Variants in KIF1C observed in about 807,000 individuals in gnomAD.
The protein encoded by KIF1C is kinesin family member 1C, also known as kinesin-like protein KIF1C.
Under a neutral mutation model 126.5 loss-of-function variants are expected in KIF1C, and 61 were observed. The observed-to-expected ratio is 0.48, with a 90% confidence interval of 0.39 to 0.60. The LOEUF (loss-of-function observed/expected upper bound fraction) is 0.60. Among genes scored for constraint, KIF1C ranks in the 20% least tolerant of loss-of-function variants. KIF1C has a pLI of 0.00. For synonymous variants in KIF1C, 640 were observed against 580.6 expected (o/e 1.10, Z -1.47); for missense variants, 1,315 against 1,489.2 (o/e 0.88, Z 1.93).
At chr17:4,998,901 A>G (rs1974478376) in intron 1 of KIF1C, 1 of 152,416 alleles carries the variant, frequency 6.6e-6, no homozygotes, top group African/African-American at 2.4e-5. Flanking sequence ...CCGATCACCC[A>G]CATTCCTGGG....
At chr17:5,011,540 C>G (rs540608653) in intron 16 of KIF1C, 4 of 152,350 alleles carry the variant, frequency 2.6e-5, no homozygotes, top group Admixed American at 6.5e-5. Flanking sequence ...AGCACCGCCT[C>G]AAATCGTGTT....
At chr17:5,004,104 C>T in intron 11 of KIF1C, 31 bp downstream of exon 11, 2 of 1,414,974 alleles carry the variant, frequency 1.4e-6, no homozygotes, top group Non-Finnish European at 2.0e-6. Context: ...CTCTGCCGAC[C>T]CTGACACATC....
chr17:5,024,563 TTC>T lies in KIF1C; in HGVS notation c.*414_*415del, dbSNP rs34208565. The T allele has an allele frequency of 3.0e-4, 51 of 171,578 alleles. No homozygotes were observed. The East Asian group carries it at 8.2e-3, about 28-fold the overall frequency. The allele number at this position is 171,578 out of a possible 1,614,324, so 10.6% of individuals were successfully genotyped here. A position where few individuals can be genotyped will look rare whatever the true frequency, so the allele number is the denominator to read the frequency against. ...CGTCTGTCTGTCTGTCTGTGGTGGT[TTC>T]TGTTTCTTGGGAGGCATGGTAGGAT... is the stretch of plus-strand genomic sequence containing the variant. On this transcript the variant is annotated 3_prime_UTR_variant, in exon 23 of 23. Coordinates refer to ENST00000320785, the MANE Select transcript of KIF1C (RefSeq NM_006612.6).
chr17:5,015,354 G>A (rs148362354), intron 18 of KIF1C, among the ~76,000 whole-genome samples: 62 of 152,074 alleles, frequency 4.1e-4, no homozygotes, highest in African/African-American at 1.4e-3. Context: ...CGCGATCTGG[G>A]CTCACTGCAG....
intron 21 of KIF1C, 145 bp from the exon 22 acceptor site, chr17:5,021,947 A>G: frequency 2.3e-6 from 2 of 855,254 alleles, no homozygotes; most frequent in Non-Finnish European, 3.6e-6. Flanking sequence ...CAGTCTGCCC[A>G]AGGGTGCGCT....
intron 11 of KIF1C, 55 bp from the exon 12 acceptor site, chr17:5,004,512 T>G (rs1974679337): frequency 6.5e-7 from 1 of 1,543,622 alleles, no homozygotes; most frequent in Non-Finnish European, 9.0e-7. Context: ...TGACCCGGTC[T>G]GACTTTGCTT....
At position 5,022,248 on chromosome 17, in the gene KIF1C, C is replaced by T. The variant is rs375660983; in HGVS notation, c.2167C>T (p.Arg723Cys). 67 of 1,614,020 alleles carry T rather than the reference C, an allele frequency of 4.2e-5. No individual in the cohort carries two copies. The highest frequency in any genetic ancestry group is 1.5e-4 in the African/African-American group (11 of 74,940). Residue 723 changes from arginine (R) to cysteine (C), a missense_variant, in exon 22 of 23, where the codon CGC becomes TGC. By Grantham distance (180) the Arg-to-Cys change is radical. Around this residue, in one of 2 missense-constraint regions of KIF1C, gnomAD observed 874 missense variants for 1,053.2 expected, o/e 0.83. Coordinates refer to ENST00000320785, the MANE Select transcript of KIF1C (RefSeq NM_006612.6). The surrounding 1 kb of genome is among the most constrained non-coding windows in gnomAD (Gnocchi z 4.9). ...CAGCAGTGGCAAGCGCAGGGCCCCT[C>T]GCAGGGTTTATCAGATCCCCCAGCG... ...LPSSGKRRAPRRVYQIPQRRR... is the reference protein window; with the variant it reads ...LPSSGKRRAPCRVYQIPQRRR...
rs1363977350 is a variant in KIF1C at position 5,023,048 on chromosome 17, C to A, written c.2628+339C>A. ...GTTTTGTTTCTGAGGTGAAGTCTTG[C>A]TCTGTTGCCAGTCTGGAGTGCAGTG... On this transcript the variant is annotated intron_variant, in intron 22 of 22. Coordinates refer to ENST00000320785, the MANE Select transcript of KIF1C (RefSeq NM_006612.6). The surrounding 1 kb of genome is among the most constrained non-coding windows in gnomAD (Gnocchi z 4.2). Among the ~76,000 whole-genome samples, 1 of 152,194 alleles carries A rather than the reference C, an allele frequency of 6.6e-6. No individual in the cohort carries two copies. The highest frequency in any genetic ancestry group is 1.5e-5 in the Non-Finnish European group (1 of 68,036).
intron 18 of KIF1C, among the ~76,000 whole-genome samples, chr17:5,016,546 C>G (rs905078324): frequency 6.6e-6 from 1 of 151,818 alleles, no homozygotes; most frequent in Non-Finnish European, 1.5e-5. Context: ...CCACCGCACC[C>G]GGCCAGCACA....
chr17:4,999,296 C>A (rs188560842), intron 1 of KIF1C, among the ~76,000 whole-genome samples: 14 of 152,322 alleles, frequency 9.2e-5, no homozygotes, highest in Admixed American at 7.8e-4. Context: ...AAACTAGATT[C>A]TCCCTTGCCG....
Position 5,024,075 on chromosome 17 carries a change from C to A in KIF1C, c.3236C>A (p.Pro1079His), listed in dbSNP as rs1975155981. 1.9e-6 allele frequency: 3 copies of A among 1,602,466 alleles called. No homozygotes were observed. In the South Asian group the frequency reaches 3.3e-5, roughly 18 times the overall value. The change falls in exon 23 of 23, where the codon CCC becomes CAC. Residue 1079 changes from proline to histidine, a missense_variant. This residue lies in a region of KIF1C where 441 missense variants were observed against 436.1 expected (regional missense o/e 1.01). Transcript: ENST00000320785. The part of the protein sequence containing the change: ...PAQRPPGPRY[P>H]PYTTPPRMRR... ...CAGCGGCCCCCAGGGCCCCGCTACC[C>A]CCCATACACTACTCCCCCACGAATG...
In KIF1C at chr17:5,028,299, T is replaced by G. The variant is rs1975242805; in HGVS notation, c.*4148T>G. 6.6e-6 allele frequency: 1 copy of G among 152,232 alleles called. No homozygotes were observed. Among genetic ancestry groups the G allele is most frequent in the Non-Finnish European group, 1.5e-5 (1 of 68,048 alleles). The allele number at this position is 152,232 out of a possible 1,614,324, so 9.4% of individuals were successfully genotyped here. ...TGGTTACTATTTTATTTTTAGCTTC[T>G]CACACCATACCGACATATGTTGGTT... is the stretch of plus-strand genomic sequence containing the variant. On this transcript the variant is annotated 3_prime_UTR_variant, in exon 23 of 23. Transcript: ENST00000320785.
chr17:5,024,040 C>T lies in KIF1C; in HGVS notation c.3201C>T (p.Pro1067=). 2 of 1,590,818 alleles carry T rather than the reference C, an allele frequency of 1.3e-6. No individual in the cohort carries two copies. Among genetic ancestry groups the T allele is most frequent in the Non-Finnish European group, 1.7e-6 (2 of 1,168,286 alleles). ...ACTCTTATCCCCAGCCACCCCAACC[C>T]TACCCAGCCCAGCGGCCCCCAGGGC... is the stretch of plus-strand genomic sequence containing the variant. The part of the protein sequence containing the change: ...KHNSYPQPPQ[P]YPAQRPPGPR... Residue 1067 remains proline, a synonymous_variant, in exon 23 of 23, where the codon CCC becomes CCT. Transcript: ENST00000320785.
In KIF1C at chr17:5,020,316, A is replaced by G. The variant is rs1975059956; in HGVS notation, c.1751-176A>G. On this transcript the variant is annotated intron_variant, in intron 19 of 22. Transcript: ENST00000320785. The surrounding 1 kb of genome is among the most constrained non-coding windows in gnomAD (Gnocchi z 5.8). ...TTGCAATTCCCTTTGGTTGACAAGA[A>G]TGGGGTTGGTCCCTGGGTGTCAGCC... is the stretch of plus-strand genomic sequence containing the variant. Among the ~76,000 whole-genome samples, 1 of 152,204 alleles carries G rather than the reference A, an allele frequency of 6.6e-6. No homozygotes were observed. Among genetic ancestry groups the G allele is most frequent in the African/African-American group, 2.4e-5 (1 of 41,450 alleles).
chr17:5,018,348 TCC>T (rs55699985), intron 18 of KIF1C, among the ~76,000 whole-genome samples: 5,791 of 151,474 alleles, frequency 0.038, 341 homozygotes, highest in African/African-American at 0.13. Context: ...AATGCCTTTT[TCC>T]CCCCCTCTTC....
chr17:5,023,722 G>T lies in KIF1C; in HGVS notation c.2883G>T (p.Gly961=). The T allele has an allele frequency of 6.5e-7, 1 of 1,542,230 alleles. No homozygotes were observed. Among genetic ancestry groups the T allele is most frequent in the Non-Finnish European group, 8.7e-7 (1 of 1,146,916 alleles). ...GLQGSGGRGG[G]LRRPPARFVP... ...AGGGCTCTGGGGGCCGGGGCGGGGG[G>T]CTGCGCAGGCCCCCAGCCCGCTTTG... Residue 961 remains glycine (G), a synonymous_variant, in exon 23 of 23, where the codon GGG becomes GGT. Transcript: ENST00000320785. The surrounding 1 kb of genome is among the most constrained non-coding windows in gnomAD (Gnocchi z 4.2).
intron 2 of KIF1C, 96 bp from the exon 3 acceptor site, chr17:5,000,124 G>A (rs1974542132): frequency 1.5e-6 from 1 of 675,342 alleles, no homozygotes; most frequent in African/African-American, 1.8e-5. Context: ...GGCTCTGGGG[G>A]AGATGTGAAG....
At position 5,024,192 on chromosome 17, in the gene KIF1C, TAGG is replaced by T. The variant is rs146468717; in HGVS notation, c.*44_*46del. ...CAGAGGGCCTGGTGGGGCCCCTTGCTAGGAGAAGGGAAGACGCCCGAGACGCTG... is the reference window on the plus strand; with the variant it reads ...CAGAGGGCCTGGTGGGGCCCCTTGCTAGAAGGGAAGACGCCCGAGACGCTG... On this transcript the variant is annotated 3_prime_UTR_variant, in exon 23 of 23. Coordinates refer to ENST00000320785, the MANE Select transcript of KIF1C (RefSeq NM_006612.6). 4.5e-3 allele frequency: 6,435 copies of T among 1,437,968 alleles called. 226 individuals are homozygous for T. The African/African-American group carries it at 0.082, about 18-fold the overall frequency. 89.1% of individuals were successfully genotyped at this position (1,437,968 alleles called of 1,614,324 possible).
rs904984161 is a variant in KIF1C, at chr17:5,022,210, G to A, written c.2129G>A (p.Arg710His). The A allele has an allele frequency of 1.2e-5, 19 of 1,614,036 alleles. 1 individual carries two copies. The highest frequency in any genetic ancestry group is 2.7e-5 in the African/African-American group (2 of 74,954). ...PPTTVQTIVK[R>H]CGLPSSGKRR... ...ACCACGGTCCAGACCATTGTCAAAC[G>A]CTGTGGTCTGCCCAGCAGTGGCAAG... The change falls in exon 22 of 23, where the codon CGC becomes CAC. Residue 710 changes from arginine (R) to histidine (H), a missense_variant. Coordinates refer to ENST00000320785, the MANE Select transcript of KIF1C (RefSeq NM_006612.6). This position sits in a 1 kb window ranked among gnomAD's most constrained non-coding sequence, Gnocchi z 4.9.
Sources: gnomAD v4.1 joint callset for allele counts (sites outside exome capture counted in the v4.1 genomes callset) on GRCh38, gnomAD v4.1.1 for gene constraint, gnomAD v4.1.1 regional missense constraint, Gnocchi (gnomAD v3.1) non-coding constraint, MANE v1.5 for transcripts, NCBI Gene and HGNC (gene_info 2026-07-23, HGNC 2026-07-21) for gene names.